Variants in MCC observed in about 807,000 individuals in gnomAD.
MCC encodes MCC regulator of Wnt signaling pathway, also known as colorectal mutant cancer protein.
Under a neutral mutation model 116.2 loss-of-function variants are expected in MCC, and 90 were observed. That is an observed-to-expected ratio of 0.77 (90% confidence interval 0.65 to 0.92). MCC has a LOEUF of 0.92. MCC is among the 40% of genes least tolerant of loss of function. MCC has a pLI of 0.00. For synonymous variants in MCC, 578 were observed against 510.5 expected, an observed-to-expected ratio of 1.13 and a Z score of -1.78; for missense variants, 1,516 against 1,312.2, an observed-to-expected ratio of 1.16 and a Z score of -2.40.
At chr5:113,203,829 G>A (rs577805724) in intron 3 of MCC, among the ~76,000 whole-genome samples, 9 of 152,268 alleles carry the variant, frequency 5.9e-5, no homozygotes, top group African/African-American at 1.9e-4. Flanking sequence ...TAGATCCAGC[G>A]CAAGGCAACA....
rs57283249 is a variant in MCC, at chr5:113,201,809, C to T, written c.628-50387G>A. Among the ~76,000 whole-genome samples the T allele has an allele frequency of 4.1e-3, 626 of 152,192 alleles. 5 individuals carry two copies. Among genetic ancestry groups the T allele is most frequent in the African/African-American group, 0.014 (580 of 41,506 alleles). Reference sequence around the variant, plus strand: ...GGAAAAGTCTTATTCTGCTAGAGGGCTAGATTAAAATCAAGCAAGTTTTTA... The same window carrying T: ...GGAAAAGTCTTATTCTGCTAGAGGGTTAGATTAAAATCAAGCAAGTTTTTA... On this transcript the variant is annotated intron_variant, in intron 3 of 18. Transcript: ENST00000408903.
intron 6 of MCC, among the ~76,000 whole-genome samples, chr5:113,111,070 A>C (rs1019890579): frequency 1.3e-5 from 2 of 152,190 alleles, no homozygotes; most frequent in African/African-American, 4.8e-5. Flanking sequence ...TGGCCTCCTG[A>C]TAAGAGCTCA....
intron 1 of MCC, among the ~76,000 whole-genome samples, chr5:113,417,780 T>C (rs1024674502): frequency 1.3e-5 from 2 of 151,842 alleles, no homozygotes; most frequent in African/African-American, 4.8e-5. Context: ...AATACAAAAA[T>C]AAGCCAGGTA....
At chr5:113,139,815 A>G (rs6886988) in intron 5 of MCC, among the ~76,000 whole-genome samples, 151,420 of 152,256 alleles carry the variant, frequency 0.99, 75,299 homozygotes, top group Middle Eastern at 1. Flanking sequence ...TTCACCTCCC[A>G]GGTTCAAGCG....
At chr5:113,044,403 T>TG (rs1212295216) in intron 16 of MCC, 3 of 740,972 alleles carry the variant, frequency 4.0e-6, no homozygotes, top group Admixed American at 1.3e-4. Flanking sequence ...TGACCATGCC[T>TG]GAGTGCTCTA....
intron 2 of MCC, among the ~76,000 whole-genome samples, chr5:113,345,233 T>C (rs1007503857): frequency 2.0e-5 from 3 of 151,900 alleles, no homozygotes; most frequent in African/African-American, 4.8e-5. Context: ...AGGGCCAGCA[T>C]AGCCATATTA....
At chr5:113,098,539 A>G (rs1178839458) in intron 8 of MCC, among the ~76,000 whole-genome samples, 1 of 152,354 alleles carries the variant, frequency 6.6e-6, no homozygotes, top group Non-Finnish European at 1.5e-5. Context: ...ATACATGGTT[A>G]TATCACAGAG....
rs190930250 is a variant in MCC at position 113,068,061 on chromosome 5, G to C, written c.2029+19C>G. The C allele has an allele frequency of 1.4e-4, 225 of 1,601,516 alleles. 1 individual carries two copies. The African/African-American group carries it at 2.5e-3, about 18-fold the overall frequency. ...GGCAGGGAGACAAGAGGAGGAAGAG[G>C]GACTCTGGAGACACTTACCAGGGGA... is the stretch of plus-strand genomic sequence containing the variant. On this transcript the variant is annotated intron_variant, in intron 13 of 18. Coordinates refer to ENST00000408903, the MANE Select transcript of MCC (RefSeq NM_001085377.2).
At chr5:113,392,330 A>T (rs914841419) in intron 1 of MCC, among the ~76,000 whole-genome samples, 5 of 152,208 alleles carry the variant, frequency 3.3e-5, no homozygotes, top group African/African-American at 1.2e-4. Context: ...ATATAAAAAG[A>T]TTCCTAACCT....
chr5:113,474,886 C>T (rs769779717), intron 1 of MCC, among the ~76,000 whole-genome samples: 4 of 152,220 alleles, frequency 2.6e-5, no homozygotes, highest in Non-Finnish European at 5.9e-5. Context: ...CTTAAGACTA[C>T]ATCACATAAG....
chr5:113,308,193 C>T (rs933109974), intron 3 of MCC, among the ~76,000 whole-genome samples: 1 of 151,984 alleles, frequency 6.6e-6, no homozygotes, highest in African/African-American at 2.4e-5. Context: ...AGGGTGGTGC[C>T]TGTCTAAATC....
At chr5:113,174,584 A>G (rs1761233898) in intron 3 of MCC, among the ~76,000 whole-genome samples, 1 of 151,878 alleles carries the variant, frequency 6.6e-6, no homozygotes, top group Admixed American at 6.6e-5. Context: ...CCCACGACAT[A>G]TAGTTAAAAA....
intron 5 of MCC, among the ~76,000 whole-genome samples, chr5:113,132,455 C>CATATATATAT (rs1758518668): frequency 7.5e-6 from 1 of 133,418 alleles, no homozygotes; most frequent in Non-Finnish European, 1.5e-5. Context: ...CACACACACA[C>CATATATATAT]ACACACACAC....
chr5:113,037,766 A>T (rs1751419293), intron 17 of MCC, among the ~76,000 whole-genome samples: 1 of 152,172 alleles, frequency 6.6e-6, no homozygotes, highest in African/African-American at 2.4e-5. Flanking sequence ...AAGCTTCAAG[A>T]TGGTAAGCAT....
intron 17 of MCC, among the ~76,000 whole-genome samples, chr5:113,035,544 G>C (rs2150210092): frequency 6.6e-6 from 1 of 152,308 alleles, no homozygotes; most frequent in Middle Eastern, 3.4e-3. Context: ...CTAAGGCCCT[G>C]CTTGACCTGA....
At chr5:113,344,060 C>T (rs1040029928) in intron 2 of MCC, among the ~76,000 whole-genome samples, 4 of 152,202 alleles carry the variant, frequency 2.6e-5, no homozygotes, top group East Asian at 1.9e-4. Flanking sequence ...GAATCACCAA[C>T]ACCACTCCTC....
intron 3 of MCC, among the ~76,000 whole-genome samples, chr5:113,218,094 G>C (rs191301532): frequency 1.8e-3 from 262 of 144,378 alleles, no homozygotes; most frequent in Non-Finnish European, 3.0e-3. Flanking sequence ...ATGGTTGCAC[G>C]GGGGTGGGGG....
In MCC at chr5:113,024,201, G is replaced by GAATT. The variant is rs1286279941; in HGVS notation, c.*3097_*3100dup. On this transcript the variant is annotated 3_prime_UTR_variant, in exon 19 of 19. Coordinates refer to ENST00000408903, the MANE Select transcript of MCC (RefSeq NM_001085377.2). ...GACTTAGTGCATGCATCTGAAAGGA[G>GAATT]AATTAAGCAATTTTAAAAGTTAAGT... is the stretch of plus-strand genomic sequence containing the variant. 2 of 152,328 alleles carry GAATT rather than the reference G, an allele frequency of 1.3e-5. No individual in the cohort carries two copies. Among genetic ancestry groups the GAATT allele is most frequent in the Admixed American group, 1.3e-4 (2 of 15,300 alleles). The allele number at this position is 152,328 out of a possible 1,614,324, so 9.4% of individuals were successfully genotyped here. A position where few individuals can be genotyped will look rare whatever the true frequency, so the allele number is the denominator to read the frequency against.
chr5:113,049,297 C>G lies in MCC; in HGVS notation c.2451G>C (p.Glu817Asp). Residue 817 changes from glutamate (E) to aspartate (D), a missense_variant and splice_region_variant, in exon 16 of 19, where the codon GAG (glutamate) becomes GAC (aspartate). By Grantham distance (45) the Glu-to-Asp change is conservative. Coordinates refer to ENST00000408903, the MANE Select transcript of MCC (RefSeq NM_001085377.2). ...GCTGGGCCTTCAACTCGGCCATCTC[C>G]TCCTACAGACAAAGGAGCACAGAGC... Reference protein sequence around the residue: ...VLMQELMAMKEEMAELKAQLY... With the variant: ...VLMQELMAMKDEMAELKAQLY... 6 of 1,583,196 alleles carry G rather than the reference C, an allele frequency of 3.8e-6. No individual in the cohort carries two copies. Among genetic ancestry groups the G allele is most frequent in the Non-Finnish European group, 4.3e-6 (5 of 1,163,486 alleles).
Sources: allele counts gnomAD v4.1 joint callset (sites outside exome capture counted in the v4.1 genomes callset), GRCh38; gene constraint gnomAD v4.1.1; transcripts MANE v1.5; gene names NCBI Gene and HGNC (gene_info 2026-07-23, HGNC 2026-07-21).